Variants in FSTL4 observed in about 807,000 individuals in gnomAD.
The protein encoded by FSTL4 is follistatin-related protein 4.
In FSTL4, 28 loss-of-function variants were observed where a neutral mutation model predicts 78.2. The observed-to-expected ratio is 0.36, with a 90% CI of 0.27 to 0.49. The LOEUF is 0.49. FSTL4 is among the 20% of genes least tolerant of loss of function. The pLI is 0.98. For synonymous variants in FSTL4, 422 were observed against 440.5 expected (o/e 0.96, Z 0.53); for missense variants, 922 against 1,084.9 (o/e 0.85, Z 2.11).
At chr5:133,322,120 A>G (rs1754073577) in intron 4 of FSTL4, among the ~76,000 whole-genome samples, 1 of 152,040 alleles carries the variant, frequency 6.6e-6, no homozygotes, top group Non-Finnish European at 1.5e-5. Flanking sequence ...GAAATTCCCT[A>G]TGCTCTGAAC....
At chr5:133,781,595 C>A in the FSTL4 span, among the ~76,000 whole-genome samples, 2 of 152,142 alleles carry the variant, frequency 1.3e-5, no homozygotes, top group Admixed American at 1.3e-4. Context: ...GTGTGGCCCA[C>A]CACATTACCC....
Position 133,495,433 on chromosome 5 carries a change from C to T in FSTL4, c.160+71753G>A, listed in dbSNP as rs186359314. 6.6e-5 allele frequency among the ~76,000 whole-genome samples: 10 copies of T among 152,310 alleles called. No homozygotes were observed. The East Asian group carries it at 9.6e-4, about 15-fold the overall frequency. On this transcript the variant is annotated intron_variant, in intron 3 of 15. Coordinates refer to ENST00000265342, the MANE Select transcript of FSTL4 (RefSeq NM_015082.2). The stretch of plus-strand genomic sequence containing the variant: ...TCATTCTCTAAAATTGGTTCATTTG[C>T]GGACATCTCTAAGGGGATGAGCGAT...
At chr5:133,321,090 C>T (rs1462768377) in intron 4 of FSTL4, among the ~76,000 whole-genome samples, 1 of 152,092 alleles carries the variant, frequency 6.6e-6, no homozygotes, top group East Asian at 1.9e-4. Flanking sequence ...TATCTTCACC[C>T]CAGTCAGCCC....
At chr5:133,662,830 T>C in the FSTL4 span, among the ~76,000 whole-genome samples, 1 of 152,204 alleles carries the variant, frequency 6.6e-6, no homozygotes, top group South Asian at 2.1e-4. Context: ...TCTTCCATCC[T>C]AAGCCAAAGG....
the FSTL4 span, among the ~76,000 whole-genome samples, chr5:133,790,939 A>G: frequency 6.6e-6 from 1 of 152,080 alleles, no homozygotes; most frequent in Non-Finnish European, 1.5e-5. Context: ...ACACACACAA[A>G]ATAATACTTT....
intron 4 of FSTL4, among the ~76,000 whole-genome samples, chr5:133,328,119 G>C (rs2126904861): frequency 6.6e-6 from 1 of 152,292 alleles, no homozygotes; most frequent in East Asian, 1.9e-4. Flanking sequence ...TTTTACCCAG[G>C]GTTAAACACA....
chr5:133,796,590 C>G, the FSTL4 span, among the ~76,000 whole-genome samples: 1 of 152,066 alleles, frequency 6.6e-6, no homozygotes, highest in South Asian at 2.1e-4. Flanking sequence ...AAATCCCTCT[C>G]CGACCACCCC....
chr5:133,417,925 C>T (rs1212374494), intron 3 of FSTL4, among the ~76,000 whole-genome samples: 1 of 137,140 alleles, frequency 7.3e-6, no homozygotes, highest in African/African-American at 2.8e-5. Context: ...CGCCACTGCA[C>T]TCCAGCCTGG....
At chr5:133,833,004 A>G in the FSTL4 span, among the ~76,000 whole-genome samples, 2 of 152,162 alleles carry the variant, frequency 1.3e-5, no homozygotes. Flanking sequence ...AAAAACCCTT[A>G]TAGAATGCAC....
At chr5:133,620,869 C>A in the FSTL4 span, among the ~76,000 whole-genome samples, 2 of 152,116 alleles carry the variant, frequency 1.3e-5, no homozygotes, top group Non-Finnish European at 2.9e-5. Flanking sequence ...GAAAACAGTG[C>A]GGAGATTCCT....
chr5:133,630,060 G>A, the FSTL4 span, among the ~76,000 whole-genome samples: 1 of 152,244 alleles, frequency 6.6e-6, no homozygotes. Context: ...GGCAAAAGCT[G>A]GAAGCATTCC....
intron 3 of FSTL4, among the ~76,000 whole-genome samples, chr5:133,477,648 C>T (rs924844586): frequency 6.6e-6 from 1 of 152,156 alleles, no homozygotes; most frequent in African/African-American, 2.4e-5. Context: ...CAGGAAGACA[C>T]GGGGGGAAAA....
At chr5:133,404,235 G>C (rs1756303311) in intron 3 of FSTL4, among the ~76,000 whole-genome samples, 1 of 152,170 alleles carries the variant, frequency 6.6e-6, no homozygotes, top group African/African-American at 2.4e-5. Flanking sequence ...GCTGACCCAG[G>C]GGTGGGCTCC....
chr5:133,486,488 T>A (rs1224391699), intron 3 of FSTL4, among the ~76,000 whole-genome samples: 1 of 152,156 alleles, frequency 6.6e-6, no homozygotes, highest in Non-Finnish European at 1.5e-5. Context: ...GTTCTGTCCT[T>A]CATTTTCTTT....
chr5:133,811,086 G>A, the FSTL4 span, among the ~76,000 whole-genome samples: 1 of 152,070 alleles, frequency 6.6e-6, no homozygotes, highest in East Asian at 1.9e-4. Context: ...CTCCTCAAAA[G>A]TGCATTATTT....
intron 4 of FSTL4, among the ~76,000 whole-genome samples, chr5:133,356,024 C>A (rs1754936299): frequency 6.6e-6 from 1 of 152,158 alleles, no homozygotes; most frequent in Non-Finnish European, 1.5e-5. Context: ...GGCTTGGGGG[C>A]CTGGGTCCCA....
the FSTL4 span, among the ~76,000 whole-genome samples, chr5:133,797,488 T>A: frequency 6.6e-6 from 1 of 152,262 alleles, no homozygotes; most frequent in Non-Finnish European, 1.5e-5. Flanking sequence ...CTCTGTTCCA[T>A]CTGTCTTAGG....
At position 133,342,940 on chromosome 5, in the gene FSTL4, T is replaced by C. The variant is rs1374503927; in HGVS notation, c.410-26288A>G. Among the ~76,000 whole-genome samples, 4 of 152,210 alleles carry C rather than the reference T, an allele frequency of 2.6e-5. No individual in the cohort carries two copies. In the East Asian group the frequency reaches 7.7e-4, roughly 29 times the overall value. Reference sequence around the variant, plus strand: ...TGGTTTCTGATTGCTCACGGATCCTTATACCATAAGGGGAGCTGCTTCTCA... The same window carrying C: ...TGGTTTCTGATTGCTCACGGATCCTCATACCATAAGGGGAGCTGCTTCTCA... On this transcript the variant is annotated intron_variant, in intron 4 of 15. Transcript: ENST00000265342.
intron 3 of FSTL4, among the ~76,000 whole-genome samples, chr5:133,436,071 A>G (rs1267877968): frequency 1.3e-5 from 2 of 152,200 alleles, no homozygotes; most frequent in Non-Finnish European, 2.9e-5. Flanking sequence ...AAAAAATACA[A>G]TGCTTACCCT....
Sources: allele counts gnomAD v4.1 joint callset (sites outside exome capture counted in the v4.1 genomes callset), GRCh38; gene constraint gnomAD v4.1.1; transcripts MANE v1.5; gene names NCBI Gene and HGNC (gene_info 2026-07-23, HGNC 2026-07-21).